KCNIP4: variants seen among roughly 807,000 people sequenced by gnomAD.
KCNIP4 encodes Kv channel-interacting protein 4.
Under a neutral mutation model 34.0 loss-of-function variants are expected in KCNIP4, and 12 were observed. The observed-to-expected ratio is 0.35, with a 90% CI of 0.23 to 0.57. The LOEUF (loss-of-function observed/expected upper bound fraction) is 0.57. KCNIP4 is among the 20% of genes least tolerant of loss of function. KCNIP4 has a pLI of 0.83. For synonymous variants in KCNIP4, 124 were observed against 102.2 expected (o/e 1.21, Z -1.29); for missense variants, 238 against 311.7 (o/e 0.76, Z 1.78).
At chr4:20,754,262 A>C (rs1310551867) in intron 4 of KCNIP4, among the ~76,000 whole-genome samples, 10 of 152,192 alleles carry the variant, frequency 6.6e-5, no homozygotes, top group Non-Finnish European at 1.2e-4. Context: ...TGTTTCACAA[A>C]GCAATAGAGA....
intron 1 of KCNIP4, among the ~76,000 whole-genome samples, chr4:21,606,794 T>C (rs1185118618): frequency 2.6e-5 from 4 of 152,102 alleles, no homozygotes; most frequent in African/African-American, 9.7e-5. Context: ...GGGTTTCACA[T>C]GCTGGCCAAG....
intron 1 of KCNIP4, among the ~76,000 whole-genome samples, chr4:21,032,886 A>G (rs1341868548): frequency 6.6e-6 from 1 of 152,104 alleles, no homozygotes; most frequent in Non-Finnish European, 1.5e-5. Context: ...AGACTTTAAG[A>G]AAATAGACTC....
intron 1 of KCNIP4, among the ~76,000 whole-genome samples, chr4:20,943,037 A>G (rs1330590104): frequency 6.6e-6 from 1 of 152,220 alleles, no homozygotes; most frequent in Non-Finnish European, 1.5e-5. Flanking sequence ...ACCATGAATC[A>G]AGATCAATAT....
At chr4:20,934,583 C>T (rs1730846904) in intron 1 of KCNIP4, among the ~76,000 whole-genome samples, 1 of 152,186 alleles carries the variant, frequency 6.6e-6, no homozygotes, top group South Asian at 2.1e-4. Context: ...CATTGATTTG[C>T]TTCTCTCTTT....
intron 1 of KCNIP4, among the ~76,000 whole-genome samples, chr4:21,442,020 T>G (rs1171618571): frequency 6.6e-6 from 1 of 152,210 alleles, no homozygotes; most frequent in African/African-American, 2.4e-5. Context: ...TTCCACTGCT[T>G]AATTATTTAT....
At chr4:20,939,841 A>T (rs1236270590) in intron 1 of KCNIP4, among the ~76,000 whole-genome samples, 1 of 152,226 alleles carries the variant, frequency 6.6e-6, no homozygotes, top group Non-Finnish European at 1.5e-5. Flanking sequence ...AAATATGTAT[A>T]GAATCTGATG....
At chr4:21,516,979 C>T (rs922538235) in intron 1 of KCNIP4, among the ~76,000 whole-genome samples, 1 of 152,040 alleles carries the variant, frequency 6.6e-6, no homozygotes, top group African/African-American at 2.4e-5. Context: ...GTACAGCAGC[C>T]CATGTGTGCA....
intron 1 of KCNIP4, among the ~76,000 whole-genome samples, chr4:21,726,702 A>C (rs1715221237): frequency 1.3e-5 from 2 of 152,150 alleles, no homozygotes; most frequent in Admixed American, 6.6e-5. Flanking sequence ...TGCTTCTTTA[A>C]TTGTCTGCTT....
rs10539950 is a variant in KCNIP4, at chr4:21,647,863, CTTTTTTT to C, written c.61+300701_61+300707del. On this transcript the variant is annotated intron_variant, in intron 1 of 8. Coordinates refer to ENST00000382152, the MANE Select transcript of KCNIP4 (RefSeq NM_025221.6). Reference sequence around the variant, plus strand: ...TGGAAGACATTCTGCTACAATGATGCTTTTTTTTTTTTTTTTTTTTTTTTTTTTTAGA... The same window carrying C: ...TGGAAGACATTCTGCTACAATGATGCTTTTTTTTTTTTTTTTTTTTTTAGA... Among the ~76,000 whole-genome samples, 15 of 60,196 alleles carry C rather than the reference CTTTTTTT, an allele frequency of 2.5e-4. No homozygotes were observed. The South Asian group carries it at 7.9e-3, about 32-fold the overall frequency. The allele number at this position is 60,196 out of a possible 152,430, so 39.5% of individuals were successfully genotyped here.
chr4:21,600,218 C>T lies in KCNIP4; in HGVS notation c.61+348353G>A, dbSNP rs146592674. 2.3e-3 allele frequency among the ~76,000 whole-genome samples: 346 copies of T among 152,218 alleles called. 3 individuals carry two copies. Among genetic ancestry groups the T allele is most frequent in the African/African-American group, 7.7e-3 (319 of 41,552 alleles). ...CTTTCATGCTGAGCCAAAATGTTCA[C>T]TTAATATCAACTTGTAACAGTCTCT... is the stretch of plus-strand genomic sequence containing the variant. On this transcript the variant is annotated intron_variant, in intron 1 of 8. Coordinates refer to ENST00000382152, the MANE Select transcript of KCNIP4 (RefSeq NM_025221.6).
rs371667884 is a variant in KCNIP4 at position 21,658,858 on chromosome 4, G to A, written c.61+289713C>T. On this transcript the variant is annotated intron_variant, in intron 1 of 8. Coordinates refer to ENST00000382152, the MANE Select transcript of KCNIP4 (RefSeq NM_025221.6). ...GTCTCCCTTGTGAAGTGACAAGGTC[G>A]GTCTAAATCTTTCCTTCAGCTTTAG... Among the ~76,000 whole-genome samples, 18 of 152,156 alleles carry A rather than the reference G, an allele frequency of 1.2e-4. No individual in the cohort carries two copies. The South Asian group carries it at 1.2e-3, about 11-fold the overall frequency.
Position 21,319,211 on chromosome 4 carries a change from C to T in KCNIP4, c.62-436502G>A, listed in dbSNP as rs980984121. ...TGTCTGCTTCCCAAGGTCTACCAGG[C>T]ATGGCTTGATCATGCTGGCTTTGCT... On this transcript the variant is annotated intron_variant, in intron 1 of 8. Coordinates refer to ENST00000382152, the MANE Select transcript of KCNIP4 (RefSeq NM_025221.6). 8.5e-5 allele frequency among the ~76,000 whole-genome samples: 13 copies of T among 152,328 alleles called. No homozygotes were observed. In the East Asian group the frequency reaches 2.1e-3, roughly 25 times the overall value.
chr4:21,596,668 G>T, intron 1 of KCNIP4, among the ~76,000 whole-genome samples: 1 of 152,222 alleles, frequency 6.6e-6, no homozygotes, highest in African/African-American at 2.4e-5. Flanking sequence ...TTTTGTTATT[G>T]ATGCTATTTA....
intron 1 of KCNIP4, among the ~76,000 whole-genome samples, chr4:21,352,273 G>C (rs1296005870): frequency 6.6e-6 from 1 of 152,194 alleles, no homozygotes; most frequent in Non-Finnish European, 1.5e-5. Context: ...ATTGGGACTG[G>C]TTGGACAGTG....
intron 1 of KCNIP4, among the ~76,000 whole-genome samples, chr4:21,166,703 C>T (rs1355567575): frequency 1.3e-5 from 2 of 151,900 alleles, no homozygotes; most frequent in African/African-American, 4.8e-5. Context: ...CTTTGGGAGG[C>T]CAAGGCGGGC....
In KCNIP4 at chr4:20,758,898, A is replaced by G. The variant is rs200213619; in HGVS notation, c.289-8T>C. 117 of 1,611,574 alleles carry G rather than the reference A, an allele frequency of 7.3e-5. No individual in the cohort carries two copies. Among genetic ancestry groups the G allele is most frequent in the Non-Finnish European group, 9.8e-5 (116 of 1,178,364 alleles). On this transcript the variant is annotated splice_polypyrimidine_tract_variant and splice_region_variant and intron_variant, in intron 3 of 8. Coordinates refer to ENST00000382152, the MANE Select transcript of KCNIP4 (RefSeq NM_025221.6). ...AACACCACTGGGGCATTCCTAGGGAAAGTGGCAGAGAAGCAATATGAGCAA... is the reference window on the plus strand; with the variant it reads ...AACACCACTGGGGCATTCCTAGGGAGAGTGGCAGAGAAGCAATATGAGCAA...
At chr4:21,606,635 C>T (rs1743703402) in intron 1 of KCNIP4, among the ~76,000 whole-genome samples, 1 of 152,008 alleles carries the variant, frequency 6.6e-6, no homozygotes, top group African/African-American at 2.4e-5. Context: ...GCTCTGTTAC[C>T]CAGGCTGGAG....
At chr4:21,028,366 G>C (rs1740728250) in intron 1 of KCNIP4, among the ~76,000 whole-genome samples, 1 of 152,174 alleles carries the variant, frequency 6.6e-6, no homozygotes, top group South Asian at 2.1e-4. Flanking sequence ...AACAGCCTCT[G>C]ATTTTTACTT....
chr4:21,496,245 C>A (rs886651969), intron 1 of KCNIP4, among the ~76,000 whole-genome samples: 1 of 152,016 alleles, frequency 6.6e-6, no homozygotes, highest in Non-Finnish European at 1.5e-5. Flanking sequence ...GAAGAGAAAA[C>A]CTGAGTGCTA....
Sources: allele counts gnomAD v4.1 joint callset (sites outside exome capture counted in the v4.1 genomes callset), GRCh38; gene constraint gnomAD v4.1.1; transcripts MANE v1.5; gene names NCBI Gene and HGNC (gene_info 2026-07-23, HGNC 2026-07-21).